Variants in MYCT1 observed in about 807,000 individuals in gnomAD.
The protein encoded by MYCT1 is myc target protein 1.
In MYCT1, 12 loss-of-function variants were observed where a neutral mutation model predicts 15.0. The ratio of observed to expected loss-of-function variants is 0.80; its 90% CI spans 0.51 to 1.29. The LOEUF is 1.29. Ranked by LOEUF, MYCT1 falls within the 50% of genes most tolerant of loss-of-function variation. MYCT1 has a pLI of 0.00. For missense variants in MYCT1, 287 were observed against 279.1 expected (o/e 1.03, Z -0.20); for synonymous variants, 104 against 102.7 (o/e 1.01, Z -0.07).
chr6:152,700,210 T>C (rs2099721087), intron 1 of MYCT1, among the ~76,000 whole-genome samples: 1 of 152,306 alleles, frequency 6.6e-6, no homozygotes, highest in Middle Eastern at 3.4e-3. Context: ...AATTGATGTC[T>C]ATTTTGACCA....
chr6:152,701,430 G>C (rs1402972279), intron 1 of MYCT1, among the ~76,000 whole-genome samples: 1 of 152,206 alleles, frequency 6.6e-6, no homozygotes, highest in East Asian at 1.9e-4. Flanking sequence ...TTGTAAGGCA[G>C]GTTGGAGGCA....
At chr6:152,704,500 G>T (rs1347383802) in intron 1 of MYCT1, among the ~76,000 whole-genome samples, 1 of 151,874 alleles carries the variant, frequency 6.6e-6, no homozygotes, top group Non-Finnish European at 1.5e-5. Flanking sequence ...CATACTTATG[G>T]GGTACAGAGT....
At chr6:152,736,108 A>G in the MYCT1 span, among the ~76,000 whole-genome samples, 4 of 152,112 alleles carry the variant, frequency 2.6e-5, no homozygotes, top group East Asian at 7.7e-4. Context: ...ACAAAGGGCC[A>G]TGGATTTAGC....
intron 1 of MYCT1, among the ~76,000 whole-genome samples, chr6:152,720,312 A>G (rs1472138232): frequency 1.3e-5 from 2 of 152,040 alleles, no homozygotes; most frequent in Non-Finnish European, 2.9e-5. Flanking sequence ...TATAGCTTCA[A>G]TTCCATTGCA....
At chr6:152,734,909 G>A in the MYCT1 span, among the ~76,000 whole-genome samples, 1 of 152,206 alleles carries the variant, frequency 6.6e-6, no homozygotes, top group South Asian at 2.1e-4. Context: ...GACTTCTTAA[G>A]TGTAAACTGA....
downstream of MYCT1, among the ~76,000 whole-genome samples, chr6:152,725,095 AG>A (rs11324448): frequency 0.064 from 9,724 of 152,068 alleles, 492 homozygotes; most frequent in East Asian, 0.17. Context: ...TAAATTACAA[AG>A]GAAAATATTA....
chr6:152,741,970 A>G, the MYCT1 span, among the ~76,000 whole-genome samples: 1 of 152,230 alleles, frequency 6.6e-6, no homozygotes, highest in Non-Finnish European at 1.5e-5. Flanking sequence ...ACTGAAAACT[A>G]AAACAATAAA....
chr6:152,730,802 T>C, the MYCT1 span, among the ~76,000 whole-genome samples: 1 of 152,204 alleles, frequency 6.6e-6, no homozygotes, highest in Non-Finnish European at 1.5e-5. Context: ...GCTGAAAAGA[T>C]TTCTAACCAA....
chr6:152,715,231 C>A (rs1270590536), intron 1 of MYCT1, among the ~76,000 whole-genome samples: 1 of 152,110 alleles, frequency 6.6e-6, no homozygotes, highest in Non-Finnish European at 1.5e-5. Flanking sequence ...ATATTTTATT[C>A]TCCATTGTAC....
intron 1 of MYCT1, among the ~76,000 whole-genome samples, chr6:152,720,566 G>T (rs1427541719): frequency 6.6e-6 from 1 of 152,184 alleles, no homozygotes; most frequent in Non-Finnish European, 1.5e-5. Context: ...TCTAGGAAAT[G>T]TAGGAGTCTT....
chr6:152,714,942 G>A lies in MYCT1; in HGVS notation c.197-6800G>A, dbSNP rs1478884423. ...TTGATCTATATTTTTATCTTTGTGA[G>A]GTCTGGTCTTTCTCCTGTTTACCAT... On this transcript the variant is annotated intron_variant, in intron 1 of 1. Coordinates refer to ENST00000367245, the MANE Select transcript of MYCT1 (RefSeq NM_025107.3). Among the ~76,000 whole-genome samples, 3 of 152,090 alleles carry A rather than the reference G, an allele frequency of 2.0e-5. No individual in the cohort carries two copies. The East Asian group carries it at 5.8e-4, about 29-fold the overall frequency.
At chr6:152,701,570 G>A (rs1407883164) in intron 1 of MYCT1, among the ~76,000 whole-genome samples, 1 of 152,170 alleles carries the variant, frequency 6.6e-6, no homozygotes, top group Non-Finnish European at 1.5e-5. Context: ...GAGAGGGTGT[G>A]TGGATGGGTG....
the MYCT1 span, among the ~76,000 whole-genome samples, chr6:152,729,841 G>A: frequency 3.9e-5 from 6 of 152,330 alleles, no homozygotes; most frequent in East Asian, 7.7e-4. Flanking sequence ...CTGGGCAAAT[G>A]GCAGACTTGG....
At chr6:152,742,933 T>C in the MYCT1 span, among the ~76,000 whole-genome samples, 2 of 152,224 alleles carry the variant, frequency 1.3e-5, no homozygotes, top group East Asian at 3.9e-4. Context: ...ATAGTCCTTG[T>C]GAATGTAGAG....
At chr6:152,706,636 A>G (rs977156070) in intron 1 of MYCT1, among the ~76,000 whole-genome samples, 18 of 152,136 alleles carry the variant, frequency 1.2e-4, no homozygotes, top group Non-Finnish European at 2.6e-4. Context: ...GGATGTTGTT[A>G]GATGATTTTG....
At chr6:152,740,347 G>A in the MYCT1 span, among the ~76,000 whole-genome samples, 1 of 152,062 alleles carries the variant, frequency 6.6e-6, no homozygotes, top group Non-Finnish European at 1.5e-5. Flanking sequence ...ACCGTACCAG[G>A]CCGGAAATAT....
chr6:152,736,179 C>T, the MYCT1 span, among the ~76,000 whole-genome samples: 1 of 152,066 alleles, frequency 6.6e-6, no homozygotes, highest in Admixed American at 6.6e-5. Flanking sequence ...ATTCACAGAG[C>T]TCATAAGATA....
intron 1 of MYCT1, among the ~76,000 whole-genome samples, chr6:152,703,067 T>C (rs902285583): frequency 1.3e-5 from 2 of 152,194 alleles, no homozygotes; most frequent in African/African-American, 4.8e-5. Flanking sequence ...CAGGTATCAA[T>C]GTTATGCAAG....
At chr6:152,698,926 A>G (rs2099720874) in intron 1 of MYCT1, among the ~76,000 whole-genome samples, 1 of 152,182 alleles carries the variant, frequency 6.6e-6, no homozygotes, top group Non-Finnish European at 1.5e-5. Flanking sequence ...TACAAAGAAG[A>G]TGGGCTCACA....
Sources: allele counts gnomAD v4.1 joint callset (sites outside exome capture counted in the v4.1 genomes callset), GRCh38; gene constraint gnomAD v4.1.1; transcripts MANE v1.5; gene names NCBI Gene and HGNC (gene_info 2026-07-23, HGNC 2026-07-21).